Variants in VPS8 observed in about 807,000 individuals in gnomAD.
VPS8 encodes the protein VPS8 subunit of CORVET complex.
A neutral mutation model predicts 216.4 loss-of-function variants in VPS8; 129 were observed. The ratio of observed to expected loss-of-function variants is 0.60; its 90% CI spans 0.52 to 0.69. VPS8 has a LOEUF of 0.69. Among genes scored for constraint, VPS8 ranks in the 30% least tolerant of loss-of-function variants. The pLI, the probability that VPS8 is intolerant of heterozygous loss-of-function variation, is 0.00. For missense variants in VPS8, 1,531 were observed against 1,683.5 expected (o/e 0.91, Z 1.59); for synonymous variants, 571 against 565.4 (o/e 1.01, Z -0.14).
chr3:184,990,685 A>C (rs1751775661), intron 42 of VPS8, among the ~76,000 whole-genome samples: 1 of 152,182 alleles, frequency 6.6e-6, no homozygotes, highest in Non-Finnish European at 1.5e-5. Context: ...GCTAACTTCA[A>C]GTTTTAGGGC....
At chr3:184,964,434 G>T in intron 37 of VPS8, 34 bp from the exon 38 acceptor site, 4 of 1,356,632 alleles carry the variant, frequency 2.9e-6, no homozygotes, top group Admixed American at 2.6e-5. Flanking sequence ...AATAAGATTG[G>T]TGAATAAAAA....
At chr3:185,009,522 G>A (rs928267359) in intron 45 of VPS8, among the ~76,000 whole-genome samples, 6 of 152,116 alleles carry the variant, frequency 3.9e-5, no homozygotes, top group African/African-American at 1.4e-4. Flanking sequence ...ACTTTGGCCA[G>A]ATATGTTTCA....
intron 21 of VPS8, 99 bp downstream of exon 21, chr3:184,870,904 A>T (rs1326612659): frequency 2.8e-6 from 3 of 1,056,118 alleles, no homozygotes; most frequent in East Asian, 2.6e-5. Flanking sequence ...TTGGTTAAAC[A>T]TTTTTTTAGT....
chr3:184,895,762 T>A lies in VPS8; in HGVS notation c.2004+837T>A, dbSNP rs188998915. Among the ~76,000 whole-genome samples, 23 of 144,750 alleles carry A rather than the reference T, an allele frequency of 1.6e-4. No individual in the cohort carries two copies. In the East Asian group the frequency reaches 4.3e-3, roughly 27 times the overall value. 95.0% of individuals were successfully genotyped at this position (144,750 alleles called of 152,430 possible). ...GATTCTTGTGCCTCAGCCTTCAGAG[T>A]AGCTGGGATTAAAGGCATACGCTAC... On this transcript the variant is annotated intron_variant, in intron 23 of 47. Transcript: ENST00000625842.
chr3:184,853,948 C>G lies in VPS8; in HGVS notation c.913C>G (p.Pro305Ala), dbSNP rs781090713. 11 of 1,613,452 alleles carry G rather than the reference C, an allele frequency of 6.8e-6. No individual in the cohort carries two copies. Among genetic ancestry groups the G allele is most frequent in the Non-Finnish European group, 8.5e-7 (1 of 1,179,714 alleles). The change falls in exon 12 of 48, where the codon CCT (proline) becomes GCT (alanine). Residue 305 changes from proline to alanine, a missense_variant. This residue lies in a region of VPS8 where 1,318 missense variants were observed against 1,468.4 expected (regional missense o/e 0.90). Transcript: ENST00000625842. The stretch of plus-strand genomic sequence containing the variant: ...CTGTATTGAGCCTCTGCATTCTAAG[C>G]CTGAGTTGAAAGATCATCCCATCAC... ...VCCIEPLHSK[P>A]ELKDHPITQF...
At chr3:185,051,825 C>G (rs1031571922) in intron 47 of VPS8, 51 bp from the exon 48 acceptor site, 7 of 1,505,530 alleles carry the variant, frequency 4.6e-6, no homozygotes, top group Non-Finnish European at 6.2e-6. Flanking sequence ...AGGAGCCTCT[C>G]TTCCCTCTGC....
chr3:184,887,632 T>A (rs1039560439), intron 22 of VPS8, among the ~76,000 whole-genome samples: 2 of 152,238 alleles, frequency 1.3e-5, no homozygotes, highest in African/African-American at 2.4e-5. Context: ...TGCATGAGTC[T>A]AGCTCCTGTG....
At chr3:185,015,461 A>G (rs900584252) in intron 45 of VPS8, among the ~76,000 whole-genome samples, 4 of 152,246 alleles carry the variant, frequency 2.6e-5, no homozygotes, top group African/African-American at 9.6e-5. Flanking sequence ...TATCAAAAGC[A>G]GTCAATACCT....
At chr3:184,869,067 G>C in intron 19 of VPS8, 31 bp downstream of exon 19, 1 of 1,574,662 alleles carries the variant, frequency 6.4e-7, no homozygotes, top group Non-Finnish European at 8.6e-7. Flanking sequence ...TGTAGTAGAC[G>C]TGGTTCTCCT....
chr3:184,858,586 T>G (rs1015740360), intron 14 of VPS8, among the ~76,000 whole-genome samples: 1 of 152,202 alleles, frequency 6.6e-6, no homozygotes, highest in African/African-American at 2.4e-5. Context: ...CGAATTGCTC[T>G]CAAAATTGGC....
At chr3:184,902,745 G>A (rs182306913) in intron 25 of VPS8, among the ~76,000 whole-genome samples, 7 of 151,364 alleles carry the variant, frequency 4.6e-5, no homozygotes, top group African/African-American at 7.3e-5. Flanking sequence ...CAGGAGAATC[G>A]CTTGAACCCG....
chr3:184,961,999 A>T (rs4560279), intron 37 of VPS8, among the ~76,000 whole-genome samples: 100,500 of 152,160 alleles, frequency 0.66, 33,698 homozygotes, highest in Middle Eastern at 0.78. Context: ...TGACCTCAAG[A>T]GATCCGCCCA....
chr3:184,959,582 T>TA (rs1405129860), intron 37 of VPS8, among the ~76,000 whole-genome samples: 1 of 152,170 alleles, frequency 6.6e-6, no homozygotes, highest in African/African-American at 2.4e-5. Flanking sequence ...AAGCAACGTA[T>TA]AAAAAGTATC....
rs945004768 is a variant in VPS8 at position 184,868,830 on chromosome 3, TA to T, written c.1507-112del. 5.3e-6 allele frequency: 4 copies of T among 753,720 alleles called. No individual in the cohort carries two copies. In the African/African-American group the frequency reaches 7.1e-5, roughly 13 times the overall value. 46.7% of individuals were successfully genotyped at this position (753,720 alleles called of 1,614,324 possible). ...TGAAACAAGATATTCACATAATTAT[TA>T]AAATAATTTTAGCCACTAAGCAGCA... On this transcript the variant is annotated intron_variant, in intron 18 of 47. Transcript: ENST00000625842.
chr3:184,849,286 G>A lies in VPS8; in HGVS notation c.666+91G>A, dbSNP rs571806138. 1.5e-5 allele frequency: 21 copies of A among 1,408,308 alleles called. 1 individual carries two copies. The highest frequency in any genetic ancestry group is 7.3e-5 in the East Asian group (3 of 41,144). The allele number at this position is 1,408,308 out of a possible 1,614,324, so 87.2% of individuals were successfully genotyped here. A position where few individuals can be genotyped will look rare whatever the true frequency, so the allele number is the denominator to read the frequency against. ...CATCTTAGATCAAAGACCAAAATAC[G>A]TGTTATGAAGTAATATGTTTGTAGA... On this transcript the variant is annotated intron_variant, in intron 9 of 47. Transcript: ENST00000625842.
intron 42 of VPS8, among the ~76,000 whole-genome samples, chr3:184,984,943 C>G (rs988479378): frequency 2.6e-5 from 4 of 152,082 alleles, no homozygotes; most frequent in Admixed American, 2.0e-4. Flanking sequence ...CTAGAAGTCT[C>G]TTGATATTTG....
At chr3:185,033,644 C>G (rs922664922) in intron 46 of VPS8, among the ~76,000 whole-genome samples, 3 of 152,178 alleles carry the variant, frequency 2.0e-5, no homozygotes. Context: ...TACCTAGGAC[C>G]ATGATTGCTG....
At chr3:185,037,620 A>G (rs1235003872) in intron 46 of VPS8, among the ~76,000 whole-genome samples, 1 of 152,058 alleles carries the variant, frequency 6.6e-6, no homozygotes, top group Non-Finnish European at 1.5e-5. Context: ...TGATAACTCC[A>G]CATTTCTCTG....
chr3:184,961,656 G>C (rs1746525759), intron 37 of VPS8, among the ~76,000 whole-genome samples: 1 of 148,332 alleles, frequency 6.7e-6, no homozygotes, highest in Admixed American at 6.7e-5. Flanking sequence ...TAAAATACAT[G>C]CTAGTTTTAT....
Sources: gnomAD v4.1 joint callset for allele counts (sites outside exome capture counted in the v4.1 genomes callset) on GRCh38, gnomAD v4.1.1 for gene constraint, gnomAD v4.1.1 regional missense constraint, MANE v1.5 for transcripts, NCBI Gene and HGNC (gene_info 2026-07-23, HGNC 2026-07-21) for gene names.